Variants in LRP1B observed in about 807,000 individuals in gnomAD.
The protein encoded by LRP1B is low-density lipoprotein receptor-related protein 1B.
Under a neutral mutation model 556.6 loss-of-function variants are expected in LRP1B, and 217 were observed. The ratio of observed to expected loss-of-function variants is 0.39; its 90% CI spans 0.35 to 0.44. The LOEUF is 0.44. Ranked by LOEUF, LRP1B falls within the 20% of genes least tolerant of loss-of-function variation. LRP1B has a pLI of 1.00. For missense variants in LRP1B, 5,053 were observed against 5,620.8 expected (o/e 0.90, Z 3.23); for synonymous variants, 2,047 against 1,865.8 (o/e 1.10, Z -2.50).
chr2:141,701,802 G>A (rs999029646), intron 2 of LRP1B, among the ~76,000 whole-genome samples: 1 of 151,686 alleles, frequency 6.6e-6, no homozygotes, highest in African/African-American at 2.4e-5. Context: ...GTTTGCATTC[G>A]GGTTTCTAGT....
intron 41 of LRP1B, among the ~76,000 whole-genome samples, chr2:140,677,765 A>T (rs1685721098): frequency 6.6e-6 from 1 of 151,420 alleles, no homozygotes; most frequent in African/African-American, 2.4e-5. Flanking sequence ...AATCCCAGCT[A>T]CTCGGGAGGC....
chr2:141,903,959 G>A (rs113218104), intron 1 of LRP1B, among the ~76,000 whole-genome samples: 8 of 151,976 alleles, frequency 5.3e-5, no homozygotes, highest in African/African-American at 1.9e-4. Flanking sequence ...AACATCATGA[G>A]AAGAAGCAAG....
At chr2:142,050,395 CT>C (rs67100429) in intron 1 of LRP1B, among the ~76,000 whole-genome samples, 2,946 of 152,108 alleles carry the variant, frequency 0.019, 37 homozygotes, top group African/African-American at 0.026. Flanking sequence ...ATAAAAGTTA[CT>C]GAAAACAATA....
At chr2:141,456,180 A>G (rs6716180) in intron 3 of LRP1B, among the ~76,000 whole-genome samples, 35,149 of 152,176 alleles carry the variant, frequency 0.23, 4,185 homozygotes, top group Middle Eastern at 0.3. Flanking sequence ...CTGGAGGTGA[A>G]TGGCTTTCCA....
chr2:142,067,414 T>C (rs1238028483), intron 1 of LRP1B, among the ~76,000 whole-genome samples: 1 of 151,500 alleles, frequency 6.6e-6, no homozygotes, highest in African/African-American at 2.4e-5. Context: ...AACTAAATTA[T>C]CCAAATCCAA....
At chr2:140,784,376 CCACACACACACACACACACACA>C (rs143661527) in intron 32 of LRP1B, among the ~76,000 whole-genome samples, 1 of 126,574 alleles carries the variant, frequency 7.9e-6, no homozygotes, top group African/African-American at 2.9e-5. Context: ...GATTCTGCCT[CCACACACACACACACACACACA>C]CACACACACA....
chr2:140,281,546 ATAT>A (rs766724746), intron 84 of LRP1B, among the ~76,000 whole-genome samples: 93 of 151,982 alleles, frequency 6.1e-4, no homozygotes, highest in African/African-American at 2.2e-3. Flanking sequence ...TTAGACATTA[ATAT>A]TATTGCATTT....
chr2:141,425,645 T>C (rs1175762135), intron 3 of LRP1B, among the ~76,000 whole-genome samples: 1 of 150,554 alleles, frequency 6.6e-6, no homozygotes, highest in East Asian at 2.0e-4. Flanking sequence ...CACTGTGGTT[T>C]TGATTTGCAT....
At chr2:141,708,342 A>T (rs1477695699) in intron 2 of LRP1B, among the ~76,000 whole-genome samples, 1 of 152,058 alleles carries the variant, frequency 6.6e-6, no homozygotes, top group Non-Finnish European at 1.5e-5. Flanking sequence ...GCCAGACAGC[A>T]CCTCCTTCTT....
chr2:142,038,274 C>A (rs1393569274), intron 1 of LRP1B, among the ~76,000 whole-genome samples: 1 of 151,602 alleles, frequency 6.6e-6, no homozygotes, highest in Non-Finnish European at 1.5e-5. Context: ...TGCAATGATA[C>A]AGTGGGTTTG....
chr2:141,254,114 C>T (rs562315267), intron 4 of LRP1B, among the ~76,000 whole-genome samples: 33 of 152,044 alleles, frequency 2.2e-4, no homozygotes, highest in African/African-American at 6.7e-4. Context: ...GGTTAAAATG[C>T]CAGCTGCCAG....
chr2:140,287,541 G>C lies in LRP1B; in HGVS notation c.12967+10267C>G, dbSNP rs901275809. ...GAGATCATCATTATAAATCTTCCAA[G>C]TTCTCAAAACTAATAAAATACAAAT... On this transcript the variant is annotated intron_variant, in intron 84 of 90. Transcript: ENST00000389484. Among the ~76,000 whole-genome samples, 7 of 150,204 alleles carry C rather than the reference G, an allele frequency of 4.7e-5. No individual in the cohort carries two copies. In the East Asian group the frequency reaches 1.4e-3, roughly 30 times the overall value.
chr2:141,412,742 A>G (rs1690899972), intron 3 of LRP1B, among the ~76,000 whole-genome samples: 1 of 152,196 alleles, frequency 6.6e-6, no homozygotes, highest in Non-Finnish European at 1.5e-5. Context: ...AATTAAAAAG[A>G]GAGTAACCAA....
intron 66 of LRP1B, among the ~76,000 whole-genome samples, chr2:140,399,262 C>CT (rs1684391954): frequency 6.6e-6 from 1 of 151,738 alleles, no homozygotes; most frequent in Non-Finnish European, 1.5e-5. Context: ...AATACATTTA[C>CT]TTTTCGTGTA....
chr2:140,327,080 C>T (rs563435499), intron 79 of LRP1B, among the ~76,000 whole-genome samples: 1 of 152,200 alleles, frequency 6.6e-6, no homozygotes, highest in African/African-American at 2.4e-5. Flanking sequence ...TGACATATTG[C>T]ATACTTCGGA....
chr2:141,445,769 G>T (rs1681165357), intron 3 of LRP1B, among the ~76,000 whole-genome samples: 1 of 152,236 alleles, frequency 6.6e-6, no homozygotes, highest in Admixed American at 6.5e-5. Context: ...TAATTTGATT[G>T]CACTGTGGTC....
At chr2:141,930,029 T>C (rs985350242) in intron 1 of LRP1B, among the ~76,000 whole-genome samples, 9 of 151,068 alleles carry the variant, frequency 6.0e-5, no homozygotes, top group Non-Finnish European at 1.0e-4. Flanking sequence ...TAAATGACCC[T>C]GGCAAATGAG....
At chr2:141,679,573 T>C (rs149003350) in intron 2 of LRP1B, among the ~76,000 whole-genome samples, 8 of 152,300 alleles carry the variant, frequency 5.3e-5, no homozygotes, top group African/African-American at 1.7e-4. Flanking sequence ...GAAGATGCTG[T>C]ACCCTCAGGC....
chr2:140,605,502 T>A (rs1254172221), intron 41 of LRP1B, among the ~76,000 whole-genome samples: 1 of 151,984 alleles, frequency 6.6e-6, no homozygotes, highest in East Asian at 1.9e-4. Flanking sequence ...CTTCTAAAAG[T>A]TCTGTTTCTT....
Sources: allele counts gnomAD v4.1 joint callset (sites outside exome capture counted in the v4.1 genomes callset), GRCh38; gene constraint gnomAD v4.1.1; transcripts MANE v1.5; gene names NCBI Gene and HGNC (gene_info 2026-07-23, HGNC 2026-07-21).